Variants in SMAD9 observed in about 807,000 individuals in gnomAD.
SMAD9 encodes MAD homolog 9.
A neutral mutation model predicts 46.1 loss-of-function variants in SMAD9; 36 were observed. That is an observed-to-expected ratio of 0.78 (90% CI 0.60 to 1.03). SMAD9 has a LOEUF of 1.03. SMAD9 is among the 50% of genes least tolerant of loss of function. The pLI is 0.00. For missense variants in SMAD9, 572 were observed against 599.8 expected (o/e 0.95, Z 0.48); for synonymous variants, 245 against 237.1 (o/e 1.03, Z -0.31).
intron 2 of SMAD9, among the ~76,000 whole-genome samples, chr13:36,873,623 G>A (rs1593580579): frequency 6.6e-6 from 1 of 152,198 alleles, no homozygotes; most frequent in Admixed American, 6.5e-5. Flanking sequence ...AGCACTTTGA[G>A]AGGCCGAGGC....
intron 1 of SMAD9, among the ~76,000 whole-genome samples, chr13:36,918,347 A>C (rs983099188): frequency 2.0e-5 from 3 of 152,212 alleles, no homozygotes; most frequent in African/African-American, 7.2e-5. Flanking sequence ...CATTCTCTTA[A>C]GCATAGTTTG....
intron 3 of SMAD9, 64 bp downstream of exon 3, chr13:36,872,594 A>C: frequency 6.4e-7 from 1 of 1,557,548 alleles, no homozygotes; most frequent in South Asian, 1.1e-5. Context: ...GTGACTGTTC[A>C]TCATAAATCA....
At chr13:36,859,241 AT>A (rs772768579) in intron 5 of SMAD9, among the ~76,000 whole-genome samples, 11 of 152,144 alleles carry the variant, frequency 7.2e-5, no homozygotes, top group Non-Finnish European at 1.3e-4. Context: ...CAAAAGGACT[AT>A]TTTGAGACAG....
At chr13:36,911,369 T>C (rs2058659700) in intron 1 of SMAD9, among the ~76,000 whole-genome samples, 1 of 152,118 alleles carries the variant, frequency 6.6e-6, no homozygotes, top group Non-Finnish European at 1.5e-5. Flanking sequence ...AGCCCATTGC[T>C]TTACTAACGC....
intron 3 of SMAD9, among the ~76,000 whole-genome samples, chr13:36,869,110 G>A (rs1034546641): frequency 6.6e-6 from 1 of 152,148 alleles, no homozygotes; most frequent in Non-Finnish European, 1.5e-5. Context: ...GGCTGGCAAA[G>A]TAGGGAAATA....
chr13:36,851,839 GCTGC>G, intron 6 of SMAD9: 1 of 981,484 alleles, frequency 1.0e-6, no homozygotes, highest in Non-Finnish European at 1.2e-6. Context: ...GAATGTAAAT[GCTGC>G]CTATCTGAGA....
chr13:36,865,048 A>AAT (rs2058218632), intron 5 of SMAD9, among the ~76,000 whole-genome samples: 1 of 152,234 alleles, frequency 6.6e-6, no homozygotes, highest in Non-Finnish European at 1.5e-5. Context: ...ATCAGCCTGC[A>AAT]CACAGGAGAG....
At chr13:36,893,357 T>A (rs971753359) in intron 1 of SMAD9, among the ~76,000 whole-genome samples, 1 of 150,450 alleles carries the variant, frequency 6.6e-6, no homozygotes, top group African/African-American at 2.4e-5. Context: ...TTTAAAAAAA[T>A]TGAAAGCCAC....
chr13:36,853,584 T>C lies in SMAD9; in HGVS notation c.1095A>G (p.Gln365=), dbSNP rs2058093960. Residue 365 remains glutamine, a synonymous_variant, in exon 6 of 7, where the codon CAA becomes CAG. Transcript: ENST00000379826. ...IFVQSRNCNY[Q]HGFHPATVCK... ...AGACGGTAGCTGGGTGGAAGCCGTG[T>C]TGATAGTTGCAGTTCCGGCTCTGCA... 6.2e-7 allele frequency: 1 copy of C among 1,614,106 alleles called. No individual in the cohort carries two copies. The highest frequency in any genetic ancestry group is 2.2e-5 in the East Asian group (1 of 44,868).
intron 1 of SMAD9, among the ~76,000 whole-genome samples, chr13:36,897,958 G>A (rs978468816): frequency 2.1e-5 from 3 of 145,922 alleles, no homozygotes; most frequent in Admixed American, 7.2e-5. Context: ...CCAGGTTCAC[G>A]CCATTCTCCT....
chr13:36,905,442 G>C (rs577027459), intron 1 of SMAD9, among the ~76,000 whole-genome samples: 1 of 152,116 alleles, frequency 6.6e-6, no homozygotes, highest in Non-Finnish European at 1.5e-5. Context: ...TGAAAAGGCA[G>C]AACTGGAGCC....
At chr13:36,898,700 A>G (rs1057247298) in intron 1 of SMAD9, among the ~76,000 whole-genome samples, 1 of 152,220 alleles carries the variant, frequency 6.6e-6, no homozygotes, top group African/African-American at 2.4e-5. Context: ...AACATTTGAC[A>G]CTATTCAATA....
At chr13:36,889,049 CA>C (rs1221064614) in intron 1 of SMAD9, among the ~76,000 whole-genome samples, 1 of 152,166 alleles carries the variant, frequency 6.6e-6, no homozygotes, top group Non-Finnish European at 1.5e-5. Flanking sequence ...AAGAGGACTG[CA>C]GAAGAGTGGG....
chr13:36,913,072 TTA>T (rs1300762671), intron 1 of SMAD9, among the ~76,000 whole-genome samples: 1 of 152,232 alleles, frequency 6.6e-6, no homozygotes, highest in Non-Finnish European at 1.5e-5. Flanking sequence ...TAAATGGTTT[TTA>T]TATCTTATTT....
At chr13:36,858,116 A>T (rs192212209) in intron 5 of SMAD9, among the ~76,000 whole-genome samples, 3 of 152,348 alleles carry the variant, frequency 2.0e-5, no homozygotes, top group Admixed American at 2.0e-4. Context: ...TCTTTATTGA[A>T]GCCGGAGATA....
intron 1 of SMAD9, among the ~76,000 whole-genome samples, chr13:36,887,040 G>GCTTT (rs536606828): frequency 9.8e-6 from 1 of 102,542 alleles, no homozygotes; most frequent in African/African-American, 3.8e-5. Flanking sequence ...CTTTGAATGG[G>GCTTT]TTTTTTTTTT....
At chr13:36,869,923 T>C (rs1304447719) in intron 3 of SMAD9, among the ~76,000 whole-genome samples, 1 of 152,174 alleles carries the variant, frequency 6.6e-6, no homozygotes, top group East Asian at 1.9e-4. Context: ...AATTGTACAT[T>C]TGAAATGGGT....
chr13:36,917,092 C>T (rs565289191), intron 1 of SMAD9, among the ~76,000 whole-genome samples: 2 of 152,092 alleles, frequency 1.3e-5, no homozygotes, highest in African/African-American at 4.8e-5. Flanking sequence ...CCGAGGTGTC[C>T]GTCATGGTTT....
At chr13:36,895,283 T>C (rs1300190746) in intron 1 of SMAD9, among the ~76,000 whole-genome samples, 2 of 152,162 alleles carry the variant, frequency 1.3e-5, no homozygotes, top group Admixed American at 6.5e-5. Context: ...AGGAAACCCC[T>C]TAGTCTCTTA....
Sources: allele counts gnomAD v4.1 joint callset (sites outside exome capture counted in the v4.1 genomes callset), GRCh38; gene constraint gnomAD v4.1.1; transcripts MANE v1.5; gene names NCBI Gene and HGNC (gene_info 2026-07-23, HGNC 2026-07-21).